Variants in ADAMTS19 observed in about 807,000 individuals in gnomAD.
ADAMTS19 encodes the protein A disintegrin and metalloproteinase with thrombospondin motifs 19.
Under a neutral mutation model 153.3 loss-of-function variants are expected in ADAMTS19, and 93 were observed. The observed-to-expected ratio is 0.61, with a 90% confidence interval of 0.51 to 0.72. The LOEUF (loss-of-function observed/expected upper bound fraction) is 0.72. Ranked by LOEUF, ADAMTS19 falls within the 30% of genes least tolerant of loss-of-function variation. ADAMTS19 has a pLI of 0.00. For synonymous variants in ADAMTS19, 600 were observed against 556.6 expected, an observed-to-expected ratio of 1.08 and a Z score of -1.10; for missense variants, 1,482 against 1,552.1, an observed-to-expected ratio of 0.95 and a Z score of 0.76.
intron 6 of ADAMTS19, among the ~76,000 whole-genome samples, chr5:129,530,375 G>A (rs1752156678): frequency 6.6e-6 from 1 of 152,138 alleles, no homozygotes; most frequent in Admixed American, 6.6e-5. Context: ...CAAATTTGAT[G>A]AAAGGCAACA....
intron 3 of ADAMTS19, among the ~76,000 whole-genome samples, chr5:129,514,000 T>G (rs1751518587): frequency 6.6e-6 from 1 of 152,040 alleles, no homozygotes; most frequent in Non-Finnish European, 1.5e-5. Flanking sequence ...AGTTCAATAG[T>G]TTTGATTTTT....
At chr5:129,667,140 A>G (rs139576264) in intron 16 of ADAMTS19, among the ~76,000 whole-genome samples, 2,206 of 152,254 alleles carry the variant, frequency 0.014, 51 homozygotes, top group African/African-American at 0.049. Context: ...ACCTGTAAGC[A>G]GCATTTAAAA....
In ADAMTS19 at chr5:129,561,819, A is replaced by ACTATCTATCTAT. The variant is rs3071537; in HGVS notation, c.1372+9948_1372+9959dup. ...TCTAAATGTTGACACATTTCACCCT[A>ACTATCTATCTAT]CTATCTATCTATCTATCTATCTATC... On this transcript the variant is annotated intron_variant, in intron 7 of 22. Coordinates refer to ENST00000274487, the MANE Select transcript of ADAMTS19 (RefSeq NM_133638.6). Among the ~76,000 whole-genome samples the ACTATCTATCTAT allele has an allele frequency of 6.0e-3, 888 of 148,178 alleles. 4 individuals carry two copies. Among genetic ancestry groups the ACTATCTATCTAT allele is most frequent in the Non-Finnish European group, 6.9e-3 (462 of 66,914 alleles).
At chr5:129,665,219 T>C (rs545858646) in intron 15 of ADAMTS19, among the ~76,000 whole-genome samples, 45 of 150,950 alleles carry the variant, frequency 3.0e-4, no homozygotes, top group African/African-American at 8.5e-4. Context: ...TTTTTTTTTT[T>C]CCCTCCTCAC....
At chr5:129,550,774 A>G (rs551292268) in intron 6 of ADAMTS19, among the ~76,000 whole-genome samples, 19 of 151,696 alleles carry the variant, frequency 1.3e-4, no homozygotes, top group African/African-American at 4.3e-4. Context: ...TTTTTTTAAA[A>G]GGATAATTTT....
Position 129,702,143 on chromosome 5 carries a change from C to T in ADAMTS19, c.3159+551C>T, listed in dbSNP as rs115915575. Among the ~76,000 whole-genome samples the T allele has an allele frequency of 2.8e-3, 427 of 152,276 alleles. 2 individuals are homozygous for T. Among genetic ancestry groups the T allele is most frequent in the African/African-American group, 8.7e-3 (361 of 41,542 alleles). On this transcript the variant is annotated intron_variant, in intron 20 of 22. Transcript: ENST00000274487. ...GGGATTTGAACCCAAGGTTGTTTAA[C>T]TCATTGCACCCTCCCAACCCCTACA...
At chr5:129,685,427 TAGA>T in intron 18 of ADAMTS19, among the ~76,000 whole-genome samples, 1 of 151,910 alleles carries the variant, frequency 6.6e-6, no homozygotes, top group Non-Finnish European at 1.5e-5. Context: ...TGAAGAGTAT[TAGA>T]AGAAGGAGGG....
chr5:129,505,924 T>A (rs1285890080), intron 2 of ADAMTS19, among the ~76,000 whole-genome samples: 1 of 152,180 alleles, frequency 6.6e-6, no homozygotes, highest in Non-Finnish European at 1.5e-5. Flanking sequence ...GCATTTATTT[T>A]AGATAGTGCA....
Position 129,694,818 on chromosome 5 carries a change from C to T in ADAMTS19, c.2917C>T (p.Gln973Ter), listed in dbSNP as rs757512496. 5 of 1,600,104 alleles carry T rather than the reference C, an allele frequency of 3.1e-6. No homozygotes were observed. Among genetic ancestry groups the T allele is most frequent in the Non-Finnish European group, 4.3e-6 (5 of 1,172,836 alleles). The part of the protein sequence containing the change: ...KCKYLTKPEP[Q>*]IRKCNEQPCQ... ...CAAATACTTAACCAAGCCAGAGCCA[C>T]AGATTCGAAAGTGCAATGAGCAACC... Residue 973 changes from glutamine to a stop codon, truncating the protein, a stop_gained, in exon 19 of 23, where the codon CAG becomes TAG. Coordinates refer to ENST00000274487, the MANE Select transcript of ADAMTS19 (RefSeq NM_133638.6). LOFTEE classifies it high-confidence loss of function.
At chr5:129,712,555 C>T (rs1756530906) in intron 21 of ADAMTS19, among the ~76,000 whole-genome samples, 2 of 152,072 alleles carry the variant, frequency 1.3e-5, no homozygotes, top group African/African-American at 2.4e-5. Flanking sequence ...TGTTTTGTCT[C>T]TGTCTCTTTG....
chr5:129,613,702 A>T (rs1751351950), intron 8 of ADAMTS19, among the ~76,000 whole-genome samples: 1 of 152,204 alleles, frequency 6.6e-6, no homozygotes, highest in Admixed American at 6.5e-5. Context: ...GAACTGAAGG[A>T]AATAGGGATA....
chr5:129,658,307 G>A (rs139425567), intron 14 of ADAMTS19, among the ~76,000 whole-genome samples: 4,230 of 81,924 alleles, frequency 0.052, 200 homozygotes, highest in African/African-American at 0.072. Flanking sequence ...AAGAAAGAAA[G>A]AAAAAGAAAG....
chr5:129,584,234 C>T (rs1401573301), intron 7 of ADAMTS19, among the ~76,000 whole-genome samples: 3 of 152,142 alleles, frequency 2.0e-5, no homozygotes, highest in African/African-American at 7.2e-5. Context: ...GGCTGCAGAA[C>T]AGCAAAGTTT....
intron 7 of ADAMTS19, among the ~76,000 whole-genome samples, chr5:129,589,985 GT>G (rs903569941): frequency 4.6e-5 from 7 of 152,006 alleles, no homozygotes; most frequent in African/African-American, 1.7e-4. Context: ...GTAGCTTCGG[GT>G]TTTGATTTCT....
intron 10 of ADAMTS19, among the ~76,000 whole-genome samples, chr5:129,638,957 T>C (rs1184948165): frequency 6.6e-6 from 1 of 152,188 alleles, no homozygotes; most frequent in Non-Finnish European, 1.5e-5. Flanking sequence ...TAAAAACCTA[T>C]TTGAGATAAA....
intron 7 of ADAMTS19, among the ~76,000 whole-genome samples, chr5:129,591,243 C>T (rs1750117348): frequency 1.3e-5 from 2 of 151,846 alleles, no homozygotes; most frequent in Admixed American, 1.3e-4. Context: ...ATCTTATGTA[C>T]ATCTTTATGT....
At chr5:129,651,051 G>T (rs765889099) in intron 13 of ADAMTS19, among the ~76,000 whole-genome samples, 4 of 152,250 alleles carry the variant, frequency 2.6e-5, no homozygotes, top group Non-Finnish European at 5.9e-5. Flanking sequence ...CTGCTTGGTT[G>T]CTGTGTTGTT....
intron 7 of ADAMTS19, among the ~76,000 whole-genome samples, chr5:129,588,754 T>C (rs1033035973): frequency 6.6e-6 from 1 of 151,820 alleles, no homozygotes; most frequent in South Asian, 2.1e-4. Context: ...TGATTCTTTG[T>C]TGTTGTATTA....
intron 10 of ADAMTS19, among the ~76,000 whole-genome samples, chr5:129,626,404 C>A (rs988647359): frequency 6.6e-6 from 1 of 152,036 alleles, no homozygotes; most frequent in Non-Finnish European, 1.5e-5. Context: ...AATAACCTAC[C>A]TGCACAGATT....
Sources: allele counts gnomAD v4.1 joint callset (sites outside exome capture counted in the v4.1 genomes callset), GRCh38; gene constraint gnomAD v4.1.1; transcripts MANE v1.5; gene names NCBI Gene and HGNC (gene_info 2026-07-23, HGNC 2026-07-21).